Variants in NRCAM observed in about 807,000 individuals in gnomAD.
NRCAM encodes NgCAM-related cell adhesion molecule.
NRCAM carries 83 observed loss-of-function variants against 156.5 expected under a neutral mutation model. The observed-to-expected ratio is 0.53, with a 90% CI of 0.44 to 0.64. The LOEUF (loss-of-function observed/expected upper bound fraction) is 0.64, where lower values mean the gene tolerates loss of function less well. Among genes scored for constraint, NRCAM ranks in the 30% least tolerant of loss-of-function variants. The pLI, the probability that NRCAM is intolerant of heterozygous loss-of-function variation, is 0.00. For missense variants in NRCAM, 1,417 were observed against 1,597.3 expected (o/e 0.89, Z 1.92); for synonymous variants, 538 against 563.9 (o/e 0.95, Z 0.65).
chr7:108,348,032 G>T (rs2099380912), intron 2 of NRCAM, among the ~76,000 whole-genome samples: 1 of 152,222 alleles, frequency 6.6e-6, no homozygotes, highest in African/African-American at 2.4e-5. Context: ...CTTGAGGCTA[G>T]AACAGCATTC....
At chr7:108,247,811 T>C (rs992632510) in intron 3 of NRCAM, among the ~76,000 whole-genome samples, 1 of 152,188 alleles carries the variant, frequency 6.6e-6, no homozygotes, top group East Asian at 1.9e-4. Context: ...TCTATTCTTC[T>C]CACTCTCCCA....
At chr7:108,379,942 A>C (rs2099693588) in intron 2 of NRCAM, among the ~76,000 whole-genome samples, 1 of 152,214 alleles carries the variant, frequency 6.6e-6, no homozygotes, top group South Asian at 2.1e-4. Context: ...TTTTCAAAAA[A>C]GTAATGGCTG....
rs148891219 is a variant in NRCAM, at chr7:108,169,274, A to G, written c.3188-872T>C. ...AGTCATTAAAAAATGTTATTTGAATACCTGAGGCAGGCAATTCTATCAGTC... is the reference window on the plus strand; with the variant it reads ...AGTCATTAAAAAATGTTATTTGAATGCCTGAGGCAGGCAATTCTATCAGTC... On this transcript the variant is annotated intron_variant, in intron 28 of 32. Transcript: ENST00000379028. Among the ~76,000 whole-genome samples, 850 of 152,316 alleles carry G rather than the reference A, an allele frequency of 5.6e-3. 7 individuals carry two copies. The highest frequency in any genetic ancestry group is 0.02 in the African/African-American group (827 of 41,560).
rs551997502 is a variant in NRCAM, at chr7:108,442,757, T to G, written c.-332+13486A>C. Among the ~76,000 whole-genome samples the G allele has an allele frequency of 3.3e-5, 5 of 152,244 alleles. No individual in the cohort carries two copies. In the South Asian group the frequency reaches 1.0e-3, roughly 32 times the overall value. ...GAACACCGTCTTTCAAGGCAAATAT[T>G]TAAAAGATCTAAAGAGCTCATACTG... is the stretch of plus-strand genomic sequence containing the variant. On this transcript the variant is annotated intron_variant, in intron 1 of 32. Transcript: ENST00000379028.
At chr7:108,235,665 G>A (rs1376459679) in intron 5 of NRCAM, among the ~76,000 whole-genome samples, 1 of 152,082 alleles carries the variant, frequency 6.6e-6, no homozygotes, top group Non-Finnish European at 1.5e-5. Flanking sequence ...GAGGCAATTT[G>A]TTTCCACCCT....
At chr7:108,393,696 G>A (rs2099768734) in intron 2 of NRCAM, among the ~76,000 whole-genome samples, 2 of 152,122 alleles carry the variant, frequency 1.3e-5, no homozygotes, top group South Asian at 4.1e-4. Context: ...CTGTAGACTG[G>A]AGCTGTTCCT....
At chr7:108,177,639 A>G (rs1233748195) in intron 26 of NRCAM, among the ~76,000 whole-genome samples, 1 of 23,880 alleles carries the variant, frequency 4.2e-5, no homozygotes, top group African/African-American at 8.3e-5. Context: ...ATATATATAT[A>G]TATATATATA....
chr7:108,212,077 C>G (rs1263368255), intron 11 of NRCAM, among the ~76,000 whole-genome samples: 2 of 152,198 alleles, frequency 1.3e-5, no homozygotes, highest in African/African-American at 2.4e-5. Flanking sequence ...GGACTCTGTG[C>G]AAACAAACTC....
intron 2 of NRCAM, among the ~76,000 whole-genome samples, chr7:108,376,867 A>G (rs996832073): frequency 6.6e-6 from 1 of 152,168 alleles, no homozygotes; most frequent in African/African-American, 2.4e-5. Context: ...TAATAGAATA[A>G]CTTTGAGAGA....
chr7:108,453,768 A>G (rs1853262552), intron 1 of NRCAM, among the ~76,000 whole-genome samples: 2 of 152,248 alleles, frequency 1.3e-5, no homozygotes. Flanking sequence ...TTATAATTCT[A>G]AAAGCTATTC....
At chr7:108,315,914 C>T (rs1357854756) in intron 2 of NRCAM, among the ~76,000 whole-genome samples, 2 of 152,176 alleles carry the variant, frequency 1.3e-5, no homozygotes, top group African/African-American at 4.8e-5. Flanking sequence ...TGCAAACATC[C>T]AATAGTGAGC....
chr7:108,350,592 A>C, intron 2 of NRCAM, among the ~76,000 whole-genome samples: 1 of 152,172 alleles, frequency 6.6e-6, no homozygotes, highest in East Asian at 1.9e-4. Context: ...CACAGTGGTT[A>C]CCTTTCATTA....
chr7:108,324,287 G>C (rs1227073684), intron 2 of NRCAM, among the ~76,000 whole-genome samples: 1 of 152,184 alleles, frequency 6.6e-6, no homozygotes, highest in African/African-American at 2.4e-5. Flanking sequence ...CACATGGGTA[G>C]AGTTTCACAG....
chr7:108,456,055 G>A (rs1225977574), intron 1 of NRCAM, among the ~76,000 whole-genome samples, 188 bp downstream of exon 1: 5 of 151,944 alleles, frequency 3.3e-5, no homozygotes, highest in Non-Finnish European at 7.4e-5. Context: ...TCGGGGGCCT[G>A]CAGGGGAGAA....
At chr7:108,449,467 G>A (rs1847941829) in intron 1 of NRCAM, among the ~76,000 whole-genome samples, 1 of 152,176 alleles carries the variant, frequency 6.6e-6, no homozygotes, top group South Asian at 2.1e-4. Context: ...CTCTATTGAG[G>A]TAAGGGACTG....
At chr7:108,371,906 T>C (rs1474393968) in intron 2 of NRCAM, among the ~76,000 whole-genome samples, 2 of 152,120 alleles carry the variant, frequency 1.3e-5, no homozygotes, top group Non-Finnish European at 2.9e-5. Flanking sequence ...AGATCATGAA[T>C]AGCCAAATCA....
chr7:108,183,537 T>A (rs533443910), intron 22 of NRCAM, among the ~76,000 whole-genome samples: 1 of 150,370 alleles, frequency 6.7e-6, no homozygotes, highest in African/African-American at 2.5e-5. Context: ...TCCAGGTGGC[T>A]CTTTTTTTTT....
chr7:108,255,948 C>A (rs1391593600), intron 3 of NRCAM, among the ~76,000 whole-genome samples: 1 of 81,094 alleles, frequency 1.2e-5, no homozygotes, highest in Non-Finnish European at 3.0e-5. Flanking sequence ...CCGCCCTGTC[C>A]GGGAGGGAGG....
intron 3 of NRCAM, among the ~76,000 whole-genome samples, chr7:108,254,012 T>G (rs1408547776): frequency 6.6e-6 from 1 of 152,226 alleles, no homozygotes; most frequent in Non-Finnish European, 1.5e-5. Context: ...TGTTAATTAT[T>G]GTTCTAAAGA....
Sources: gnomAD v4.1 joint callset for allele counts (sites outside exome capture counted in the v4.1 genomes callset) on GRCh38, gnomAD v4.1.1 for gene constraint, MANE v1.5 for transcripts, NCBI Gene and HGNC (gene_info 2026-07-23, HGNC 2026-07-21) for gene names.